The following NACA variants were observed in gnomAD, a reference collection of about 807,000 sequenced individuals.
The protein encoded by NACA is nascent polypeptide-associated complex subunit alpha.
A neutral mutation model predicts 86.4 loss-of-function variants in NACA; 42 were observed. The observed-to-expected ratio is 0.49, with a 90% CI of 0.38 to 0.63. The LOEUF is 0.63. Ranked by LOEUF, NACA falls within the 20% of genes least tolerant of loss-of-function variation. NACA has a pLI of 0.00. For missense variants in NACA, 2,157 were observed against 2,483.6 expected (o/e 0.87, Z 2.80); for synonymous variants, 898 against 973.7 (o/e 0.92, Z 1.45).
In NACA at chr12:56,716,130, CAG is replaced by C. The variant is rs766354403; in HGVS notation, c.5398_5399del (p.Leu1800AlafsTer13). The C allele has an allele frequency of 8.1e-6, 13 of 1,613,214 alleles. No homozygotes were observed. Among genetic ancestry groups the C allele is most frequent in the African/African-American group, 2.7e-5 (2 of 74,844 alleles). ...TGGGAACTGGGGAGGGAGCAAGAGG[CAG>C]AGAGACTGGTGGGGAGGGTGCTGCA... ...VSAAPSPPVSLPLAPSPVPTL... is the reference protein window; with the variant it reads ...VSAAPSPPVSXPLAPSPVPTL... On this transcript the variant is annotated frameshift_variant, in exon 3 of 9. Coordinates refer to ENST00000454682, the MANE Select transcript of NACA (RefSeq NM_001365896.1). LOFTEE classifies it high-confidence loss of function.
Position 56,716,450 on chromosome 12 carries a change from G to A in NACA, c.5080C>T (p.Pro1694Ser). Residue 1694 changes from proline (P) to serine (S), a missense_variant, in exon 3 of 9, where the codon CCA (proline) becomes TCA (serine). Pro to Ser is a moderately conservative substitution (Grantham distance 74). This residue lies in a region of NACA where 797 missense variants were observed against 777.6 expected (regional missense o/e 1.02). Coordinates refer to ENST00000454682, the MANE Select transcript of NACA (RefSeq NM_001365896.1). ...TTCCGAGTGGGAGCTGTGATGATTGGCGTGCTTTCTGGAGCTGGGGCAACA... is the reference window on the plus strand; with the variant it reads ...TTCCGAGTGGGAGCTGTGATGATTGACGTGCTTTCTGGAGCTGGGGCAACA... ...VLVAPAPEST[P>S]IITAPTRKGP... 6.3e-7 allele frequency: 1 copy of A among 1,575,388 alleles called. No individual in the cohort carries two copies. The highest frequency in any genetic ancestry group is 8.7e-7 in the Non-Finnish European group (1 of 1,155,898).
rs975445014 is a variant in NACA, at chr12:56,715,993, G to A, written c.5537C>T (p.Pro1846Leu). The change falls in exon 3 of 9, where the codon CCG becomes CTG. Residue 1846 changes from proline to leucine, a missense_variant. Coordinates refer to ENST00000454682, the MANE Select transcript of NACA (RefSeq NM_001365896.1). ...DEDELLPLIPPEPISGGVPFQ... is the reference protein window; with the variant it reads ...DEDELLPLIPLEPISGGVPFQ... ...AGGCACTCCCCCAGAGATTGGTTCC[G>A]GGGGAATCAGAGGCAGCAGCTCATC... 6.9e-6 allele frequency: 11 copies of A among 1,589,068 alleles called. No homozygotes were observed. Among genetic ancestry groups the A allele is most frequent in the African/African-American group, 5.4e-5 (4 of 74,430 alleles).
Position 56,721,255 on chromosome 12 carries a change from G to T in NACA, c.275C>A (p.Pro92His). Reference sequence around the variant, plus strand: ...TGGGGCTTCAGGGGCAGTTCCCAAAGGTAGGGCTGTTCCAGAGGATGACTG... The same window carrying T: ...TGGGGCTTCAGGGGCAGTTCCCAAATGTAGGGCTGTTCCAGAGGATGACTG... ...FPQSSSGTAL[P>H]LGTAPEAPTF... Residue 92 changes from proline (P) to histidine (H), a missense_variant, in exon 3 of 9, where the codon CCT becomes CAT. Pro to His is a moderately conservative substitution (Grantham distance 77, BLOSUM62 -2). Transcript: ENST00000454682. 3 of 1,613,616 alleles carry T rather than the reference G, an allele frequency of 1.9e-6. No homozygotes were observed. The highest frequency in any genetic ancestry group is 2.5e-6 in the Non-Finnish European group (3 of 1,179,742).
Position 56,717,074 on chromosome 12 carries a change from T to C in NACA, c.4456A>G (p.Thr1486Ala). 8.5e-7 allele frequency: 1 copy of C among 1,176,862 alleles called. No individual in the cohort carries two copies. The highest frequency in any genetic ancestry group is 1.1e-6 in the Non-Finnish European group (1 of 940,760). 72.9% of individuals were successfully genotyped at this position (1,176,862 alleles called of 1,614,324 possible). A position where few individuals can be genotyped will look rare whatever the true frequency, so the allele number is the denominator to read the frequency against. Residue 1486 changes from threonine to alanine, a missense_variant, in exon 3 of 9, where the codon ACT (threonine) becomes GCT (alanine). Physicochemically the swap from Thr to Ala is moderately conservative, Grantham distance 58 (BLOSUM62 0). Transcript: ENST00000454682. ...KEPPAPKQVA[T>A]SSSPKKAPAT... is the part of the protein sequence containing the mutation. ...GGGGCCTTTTTGGGAGAGGAAGAAG[T>C]GGCAACTTGTTTGGGGGCTGGGGGC...
At position 56,719,094 on chromosome 12, in the gene NACA, C is replaced by A; in HGVS notation, c.2436G>T (p.Lys812Asn). 2 of 1,451,860 alleles carry A rather than the reference C, an allele frequency of 1.4e-6. No individual in the cohort carries two copies. The highest frequency in any genetic ancestry group is 2.3e-5 in the South Asian group (2 of 88,748). The allele number at this position is 1,451,860 out of a possible 1,614,324, so 89.9% of individuals were successfully genotyped here. The change falls in exon 3 of 9, where the codon AAG becomes AAT. Residue 812 changes from lysine (K) to asparagine (N), a missense_variant. Around this residue, in one of 8 missense-constraint regions of NACA, gnomAD observed 174 missense variants for 217.0 expected, o/e 0.80. Coordinates refer to ENST00000454682, the MANE Select transcript of NACA (RefSeq NM_001365896.1). ...SPQTKRPPTK[K>N]GSAGPDTPIG... ...TAGGAGTATCAGGGCCAGCAGAACC[C>A]TTCTTGGTTGGAGGTCTTTTAGTCT...
At chr12:56,724,656 T>C in intron 1 of NACA, 133 bp from the exon 2 acceptor site, 1 of 880,914 alleles carries the variant, frequency 1.1e-6, no homozygotes, top group Non-Finnish European at 1.8e-6. Flanking sequence ...GGTGACAACC[T>C]TCCCCAAAGC....
Position 56,720,600 on chromosome 12 carries a change from T to C in NACA, c.930A>G (p.Ala310=). 2 of 1,613,886 alleles carry C rather than the reference T, an allele frequency of 1.2e-6. No individual in the cohort carries two copies. The highest frequency in any genetic ancestry group is 8.5e-7 in the Non-Finnish European group (1 of 1,179,876). Reference sequence around the variant, plus strand: ...AACCAAAAGAACTCTGATGTAAAGGTGCAAGATGAGAGCCCAGAGAAATGG... The same window carrying C: ...AACCAAAAGAACTCTGATGTAAAGGCGCAAGATGAGAGCCCAGAGAAATGG... ...DFPISLGSHL[A]PLHQSSFGSV... The change falls in exon 3 of 9, where the codon GCA becomes GCG. Residue 310 remains alanine (A), a synonymous_variant. Transcript: ENST00000454682.
rs776394304 is a variant in NACA at position 56,719,089 on chromosome 12, G to C, written c.2441C>G (p.Ser814Cys). ...TCCAATAGGAGTATCAGGGCCAGCA[G>C]AACCCTTCTTGGTTGGAGGTCTTTT... ...QTKRPPTKKGSAGPDTPIGNL... is the reference protein window; with the variant it reads ...QTKRPPTKKGCAGPDTPIGNL... The change falls in exon 3 of 9, where the codon TCT becomes TGT. Residue 814 changes from serine to cysteine, a missense_variant. Physicochemically the swap from Ser to Cys is moderately radical, Grantham distance 112 (BLOSUM62 -1). Around this residue, in one of 8 missense-constraint regions of NACA, gnomAD observed 174 missense variants for 217.0 expected, o/e 0.80. Transcript: ENST00000454682. 1 of 1,451,420 alleles carries C rather than the reference G, an allele frequency of 6.9e-7. No individual in the cohort carries two copies. Among genetic ancestry groups the C allele is most frequent in the Admixed American group, 1.8e-5 (1 of 55,094 alleles). The allele number at this position is 1,451,420 out of a possible 1,614,324, so 89.9% of individuals were successfully genotyped here.
chr12:56,720,312 T>C lies in NACA; in HGVS notation c.1218A>G (p.Ser406=), dbSNP rs760993193. Residue 406 remains serine (S), a synonymous_variant, in exon 3 of 9, where the codon TCA becomes TCG. Coordinates refer to ENST00000454682, the MANE Select transcript of NACA (RefSeq NM_001365896.1). Reference sequence around the variant, plus strand: ...GAATGAGAGAGGTTGTAGGAGATAATGAAAAAGAGGTAGCTACATTTAAGG... The same window carrying C: ...GAATGAGAGAGGTTGTAGGAGATAACGAAAAAGAGGTAGCTACATTTAAGG... ...SGSLNVATSF[S]LSPTTSLILK... is the part of the protein sequence containing the mutation. The C allele has an allele frequency of 6.2e-6, 10 of 1,613,660 alleles. No individual in the cohort carries two copies. The African/African-American group carries it at 9.4e-5, about 15-fold the overall frequency.
In NACA at chr12:56,716,571, G is replaced by A; in HGVS notation, c.4959C>T (p.Ser1653=). The change falls in exon 3 of 9, where the codon TCC becomes TCT. Residue 1653 remains serine (S), a synonymous_variant. Coordinates refer to ENST00000454682, the MANE Select transcript of NACA (RefSeq NM_001365896.1). ...CCATTTTACATGTGACAGAAGCTGG[G>A]GAAGTAGGGGAGTCTTTGAGGGAGG... ...TPSSLKDSPT[S]PASVTCKMGA... The A allele has an allele frequency of 1.4e-6, 2 of 1,457,814 alleles. No individual in the cohort carries two copies. The highest frequency in any genetic ancestry group is 1.9e-6 in the Non-Finnish European group (2 of 1,078,758). The allele number at this position is 1,457,814 out of a possible 1,614,324, so 90.3% of individuals were successfully genotyped here. A position where few individuals can be genotyped will look rare whatever the true frequency, so the allele number is the denominator to read the frequency against.
Position 56,719,570 on chromosome 12 carries a change from C to G in NACA, c.1960G>C (p.Asp654His). The change falls in exon 3 of 9, where the codon GAC (aspartate) becomes CAC (histidine). Residue 654 changes from aspartate (D) to histidine (H), a missense_variant. Physicochemically the swap from Asp to His is moderately conservative, Grantham distance 81. Transcript: ENST00000454682. ...TVAAFPLESA[D>H]PAGVAPTTAK... ...GTTGTGGGAGCCACCCCGGCAGGGTCAGCACTTTCCAAAGGAAATGCAGCC... is the reference window on the plus strand; with the variant it reads ...GTTGTGGGAGCCACCCCGGCAGGGTGAGCACTTTCCAAAGGAAATGCAGCC... 6.2e-6 allele frequency: 10 copies of G among 1,613,908 alleles called. No individual in the cohort carries two copies. Among genetic ancestry groups the G allele is most frequent in the Non-Finnish European group, 8.5e-6 (10 of 1,179,868 alleles).
At chr12:56,714,227 A>T in intron 5 of NACA, 135 bp downstream of exon 5, 1 of 815,108 alleles carries the variant, frequency 1.2e-6, no homozygotes, top group Non-Finnish European at 1.9e-6. Flanking sequence ...GTGCACCAAA[A>T]TCTCAAAAAT....
chr12:56,724,616 G>T (rs567048385), intron 1 of NACA, 93 bp from the exon 2 acceptor site: 2 of 1,367,256 alleles, frequency 1.5e-6, no homozygotes, highest in Non-Finnish European at 1.0e-6. Flanking sequence ...CTCCGAGGAG[G>T]GCTGTTAGAA....
rs11834498 is a variant in NACA at position 56,720,061 on chromosome 12, G to C, written c.1469C>G (p.Pro490Arg). 2.5e-3 allele frequency: 4,089 copies of C among 1,613,880 alleles called. 89 individuals carry two copies. In the African/African-American group the frequency reaches 0.049, roughly 19 times the overall value. ...TGCTACTTGAGTAGAAGGCTCTTTG[G>C]GAGCCACAGGTGCCATAACCAAGGC... is the stretch of plus-strand genomic sequence containing the variant. ...PAALVMAPVA[P>R]KEPSTQVATT... The change falls in exon 3 of 9, where the codon CCC becomes CGC. Residue 490 changes from proline (P) to arginine (R), a missense_variant. This residue lies in a region of NACA where 947 missense variants were observed against 917.9 expected (regional missense o/e 1.03). Coordinates refer to ENST00000454682, the MANE Select transcript of NACA (RefSeq NM_001365896.1).
Position 56,717,617 on chromosome 12 carries a change from G to T in NACA, c.3913C>A (p.Pro1305Thr). 8.2e-7 allele frequency: 1 copy of T among 1,213,710 alleles called. No individual in the cohort carries two copies. Among genetic ancestry groups the T allele is most frequent in the Non-Finnish European group, 1.0e-6 (1 of 954,714 alleles). The allele number at this position is 1,213,710 out of a possible 1,614,324, so 75.2% of individuals were successfully genotyped here. A position where few individuals can be genotyped will look rare whatever the true frequency, so the allele number is the denominator to read the frequency against. Residue 1305 changes from proline to threonine, a missense_variant, in exon 3 of 9, where the codon CCC becomes ACC. Physicochemically the swap from Pro to Thr is conservative, Grantham distance 38. Transcript: ENST00000454682. ...GGAGGAGTGGGGGCCCCTTTGGGGG[G>T]TGAGGTAGCTGGGCCTCCTTTTGGA... ...PSPKGGPATSPPKGAPTPPAA... is the reference protein window; with the variant it reads ...PSPKGGPATSTPKGAPTPPAA...
Position 56,715,851 on chromosome 12 carries a change from C to T in NACA, c.5659+20G>A, listed in dbSNP as rs759741895. 6.0e-6 allele frequency: 9 copies of T among 1,506,554 alleles called. No individual in the cohort carries two copies. Among genetic ancestry groups the T allele is most frequent in the Admixed American group, 2.3e-5 (1 of 43,928 alleles). The allele number at this position is 1,506,554 out of a possible 1,614,324, so 93.3% of individuals were successfully genotyped here. A position where few individuals can be genotyped will look rare whatever the true frequency, so the allele number is the denominator to read the frequency against. ...GTGGACGACAGACACACCATGCACA[C>T]GGCAAACCAAGGCAAATACCCTTGT... is the stretch of plus-strand genomic sequence containing the variant. On this transcript the variant is annotated intron_variant, in intron 3 of 8. Transcript: ENST00000454682.
At position 56,714,589 on chromosome 12, in the gene NACA, A is replaced by G; in HGVS notation, c.5745+13T>C. 2 of 1,614,040 alleles carry G rather than the reference A, an allele frequency of 1.2e-6. No homozygotes were observed. Among genetic ancestry groups the G allele is most frequent in the East Asian group, 2.2e-5 (1 of 44,886 alleles). On this transcript the variant is annotated intron_variant, in intron 4 of 8. Coordinates refer to ENST00000454682, the MANE Select transcript of NACA (RefSeq NM_001365896.1). The stretch of plus-strand genomic sequence containing the variant: ...TTCTTTGACCCAATACCAGTTAGTA[A>G]GAGAATACCCACCTGGGCTTGTTGT...
intron 5 of NACA, chr12:56,713,893 G>A: frequency 1.9e-6 from 1 of 533,486 alleles, no homozygotes; most frequent in Non-Finnish European, 3.3e-6. Context: ...CCAGGCTGGA[G>A]TGCAGTGGTG....
At position 56,721,476 on chromosome 12, in the gene NACA, G is replaced by T. The variant is rs772169292; in HGVS notation, c.71-17C>A. The stretch of plus-strand genomic sequence containing the variant: ...GTAGCACAGCTGGAGAAAGGCAAAA[G>T]GAGATAAAGAAAGGGGGAGGGGGAG... On this transcript the variant is annotated splice_polypyrimidine_tract_variant and intron_variant, in intron 2 of 8. Coordinates refer to ENST00000454682, the MANE Select transcript of NACA (RefSeq NM_001365896.1). The T allele has an allele frequency of 6.8e-7, 1 of 1,476,810 alleles. No homozygotes were observed. Among genetic ancestry groups the T allele is most frequent in the Non-Finnish European group, 9.0e-7 (1 of 1,117,062 alleles). The allele number at this position is 1,476,810 out of a possible 1,614,324, so 91.5% of individuals were successfully genotyped here.
Sources: gnomAD v4.1 joint callset for allele counts on GRCh38, gnomAD v4.1.1 for gene constraint, gnomAD v4.1.1 regional missense constraint, MANE v1.5 for transcripts, NCBI Gene and HGNC (gene_info 2026-07-23, HGNC 2026-07-21) for gene names.